SPAG16: variants seen among roughly 807,000 people sequenced by gnomAD.
The protein encoded by SPAG16 is sperm-associated antigen 16 protein.
SPAG16 carries 86 observed loss-of-function variants against 80.4 expected under a neutral mutation model. The ratio of observed to expected loss-of-function variants is 1.07; its 90% CI spans 0.90 to 1.28. SPAG16 has a LOEUF of 1.28. Ranked by LOEUF, SPAG16 falls within the 50% of genes most tolerant of loss-of-function variation. The pLI, the probability that SPAG16 is intolerant of heterozygous loss-of-function variation, is 0.00. For synonymous variants in SPAG16, 294 were observed against 265.9 expected (o/e 1.11, Z -1.03); for missense variants, 870 against 765.3 (o/e 1.14, Z -1.61).
At chr2:213,695,127 T>G (rs1209645149) in intron 10 of SPAG16, among the ~76,000 whole-genome samples, 4 of 152,180 alleles carry the variant, frequency 2.6e-5, no homozygotes, top group Admixed American at 6.5e-5. Context: ...CTCAAAATTC[T>G]CTAGATTTCT....
chr2:214,248,809 C>T (rs1450474856), intron 15 of SPAG16, among the ~76,000 whole-genome samples: 3 of 152,040 alleles, frequency 2.0e-5, no homozygotes, highest in East Asian at 1.9e-4. Flanking sequence ...ACAAAGAAAG[C>T]GATATTTGAG....
At chr2:213,989,607 C>T (rs1360405065) in intron 12 of SPAG16, among the ~76,000 whole-genome samples, 1 of 152,058 alleles carries the variant, frequency 6.6e-6, no homozygotes, top group Non-Finnish European at 1.5e-5. Context: ...ATCTGAACCA[C>T]TATATTTACG....
At chr2:213,812,865 C>CT (rs141499213) in intron 10 of SPAG16, among the ~76,000 whole-genome samples, 7,757 of 147,822 alleles carry the variant, frequency 0.052, 216 homozygotes, top group East Asian at 0.089. Flanking sequence ...CATATGTTAT[C>CT]TTTTTTTTTT....
At chr2:213,439,317 G>A (rs1022186137) in intron 9 of SPAG16, among the ~76,000 whole-genome samples, 2 of 152,204 alleles carry the variant, frequency 1.3e-5, no homozygotes, top group Admixed American at 1.3e-4. Flanking sequence ...GTCTGTGGAG[G>A]CTTTGGATTT....
At chr2:213,808,574 G>C (rs2071919940) in intron 10 of SPAG16, among the ~76,000 whole-genome samples, 1 of 152,082 alleles carries the variant, frequency 6.6e-6, no homozygotes, top group South Asian at 2.1e-4. Context: ...CCTAAGGCTA[G>C]GAGGATATCT....
rs765688856 is a variant in SPAG16, at chr2:213,679,206, TAAC to T, written c.1071-183277_1071-183275del. On this transcript the variant is annotated intron_variant, in intron 10 of 15. Transcript: ENST00000331683. ...CATGAAACAGATTTATAAGTTTGCTTAACATTATCTATACACTATGGTCATGTA... is the reference window on the plus strand; with the variant it reads ...CATGAAACAGATTTATAAGTTTGCTTATTATCTATACACTATGGTCATGTA... 5.3e-5 allele frequency among the ~76,000 whole-genome samples: 8 copies of T among 152,336 alleles called. No individual in the cohort carries two copies. The East Asian group carries it at 1.5e-3, about 29-fold the overall frequency.
intron 10 of SPAG16, among the ~76,000 whole-genome samples, chr2:213,539,100 G>C (rs1334620307): frequency 6.6e-6 from 1 of 152,064 alleles, no homozygotes; most frequent in Non-Finnish European, 1.5e-5. Context: ...TTGTGCTTTC[G>C]GGAAGGGTTT....
chr2:213,981,384 A>C (rs543448555), intron 12 of SPAG16, among the ~76,000 whole-genome samples: 1 of 152,044 alleles, frequency 6.6e-6, no homozygotes, highest in African/African-American at 2.4e-5. Context: ...CTTTTTTTCC[A>C]ATGGGGGTTT....
intron 13 of SPAG16, among the ~76,000 whole-genome samples, chr2:214,059,631 A>G (rs2050151184): frequency 6.6e-6 from 1 of 152,024 alleles, no homozygotes; most frequent in Non-Finnish European, 1.5e-5. Context: ...CATTCATTTT[A>G]TGTTACTGTT....
intron 10 of SPAG16, among the ~76,000 whole-genome samples, chr2:213,702,823 A>C (rs1308939664): frequency 6.6e-6 from 1 of 152,220 alleles, no homozygotes; most frequent in African/African-American, 2.4e-5. Context: ...AGAAGATTTA[A>C]GATTGGCATG....
chr2:214,120,998 A>G (rs1465892401), intron 14 of SPAG16, among the ~76,000 whole-genome samples: 2 of 151,812 alleles, frequency 1.3e-5, no homozygotes, highest in Non-Finnish European at 3.0e-5. Flanking sequence ...ATCTTAATAA[A>G]TATTATTCTA....
chr2:213,942,166 C>G (rs984415895), intron 12 of SPAG16, among the ~76,000 whole-genome samples: 17 of 152,222 alleles, frequency 1.1e-4, no homozygotes, highest in African/African-American at 3.9e-4. Context: ...TGTCAAAACC[C>G]CAACTCTGGT....
At chr2:214,286,858 C>A (rs1449688745) in intron 15 of SPAG16, among the ~76,000 whole-genome samples, 2 of 152,188 alleles carry the variant, frequency 1.3e-5, no homozygotes, top group Non-Finnish European at 2.9e-5. Flanking sequence ...ATTATTAATG[C>A]TACCCATAGT....
intron 12 of SPAG16, among the ~76,000 whole-genome samples, chr2:213,982,522 A>G (rs927535465): frequency 1.3e-5 from 2 of 152,028 alleles, no homozygotes; most frequent in Non-Finnish European, 2.9e-5. Context: ...CTGAAAAGGA[A>G]TGATAACAAT....
At chr2:213,685,536 C>G (rs2064622708) in intron 10 of SPAG16, among the ~76,000 whole-genome samples, 1 of 152,168 alleles carries the variant, frequency 6.6e-6, no homozygotes, top group Non-Finnish European at 1.5e-5. Context: ...TGTTATCAGT[C>G]ACTCAGTTTG....
chr2:214,082,734 C>A (rs751580156), intron 13 of SPAG16, among the ~76,000 whole-genome samples: 1 of 152,182 alleles, frequency 6.6e-6, no homozygotes, highest in Non-Finnish European at 1.5e-5. Flanking sequence ...CATCACATTT[C>A]TTAAAAATCA....
chr2:213,542,194 T>G (rs2125918655), intron 10 of SPAG16, among the ~76,000 whole-genome samples: 1 of 152,344 alleles, frequency 6.6e-6, no homozygotes, highest in Middle Eastern at 3.4e-3. Flanking sequence ...TTTGCTATTA[T>G]GTAATTTAAA....
At chr2:213,442,456 C>G (rs1237379836) in intron 9 of SPAG16, among the ~76,000 whole-genome samples, 2 of 152,090 alleles carry the variant, frequency 1.3e-5, no homozygotes, top group African/African-American at 4.8e-5. Flanking sequence ...AAAGACAGAA[C>G]AGCCAACACA....
intron 10 of SPAG16, among the ~76,000 whole-genome samples, chr2:213,611,365 GT>G (rs1298162684): frequency 6.6e-6 from 1 of 151,992 alleles, no homozygotes; most frequent in Admixed American, 6.6e-5. Context: ...TTAATAGCAT[GT>G]TTTTTTCTAT....
Sources: gnomAD v4.1 joint callset for allele counts (sites outside exome capture counted in the v4.1 genomes callset) on GRCh38, gnomAD v4.1.1 for gene constraint, MANE v1.5 for transcripts, NCBI Gene and HGNC (gene_info 2026-07-23, HGNC 2026-07-21) for gene names.